Variants in TDG observed in about 807,000 individuals in gnomAD.
The protein encoded by TDG is thymine DNA glycosylase, also known as G/T mismatch-specific thymine DNA glycosylase.
TDG carries 23 observed loss-of-function variants against 46.1 expected under a neutral mutation model. That is an observed-to-expected ratio of 0.50 (90% CI 0.36 to 0.71). The LOEUF is 0.71. TDG is among the 30% of genes least tolerant of loss of function. TDG has a pLI of 0.00. For missense variants in TDG, 304 were observed against 486.7 expected, an observed-to-expected ratio of 0.62 and a Z score of 3.53; for synonymous variants, 115 against 161.3, an observed-to-expected ratio of 0.71 and a Z score of 2.18.
intron 1 of TDG, among the ~76,000 whole-genome samples, chr12:103,975,627 C>T (rs1016619153): frequency 3.9e-5 from 6 of 152,092 alleles, no homozygotes; most frequent in African/African-American, 9.7e-5. Flanking sequence ...CATTAACCCA[C>T]TCCTGAAGGC....
At position 103,988,126 on chromosome 12, in the gene TDG, C is replaced by G. The variant is rs1872276654; in HGVS notation, c.*1036C>G. 1 of 152,704 alleles carries G rather than the reference C, an allele frequency of 6.5e-6. No homozygotes were observed. Among genetic ancestry groups the G allele is most frequent in the Non-Finnish European group, 1.5e-5 (1 of 68,052 alleles). 9.5% of individuals were successfully genotyped at this position (152,704 alleles called of 1,614,324 possible). ...CCTCATGGAAAGGTTGAGGTGTATACCTTTGTGATTTTCTAATGAGTTTTC... is the reference window on the plus strand; with the variant it reads ...CCTCATGGAAAGGTTGAGGTGTATAGCTTTGTGATTTTCTAATGAGTTTTC... On this transcript the variant is annotated 3_prime_UTR_variant, in exon 10 of 10. Transcript: ENST00000392872.
intron 1 of TDG, among the ~76,000 whole-genome samples, 200 bp from the exon 2 acceptor site, chr12:103,976,714 ATGGT>A (rs1030250658): frequency 2.6e-4 from 40 of 152,304 alleles, no homozygotes; most frequent in African/African-American, 8.7e-4. Flanking sequence ...GCAAGAGTTA[ATGGT>A]TGGTTATTAA....
At chr12:103,978,677 A>T (rs1198884484) in intron 2 of TDG, among the ~76,000 whole-genome samples, 1 of 152,190 alleles carries the variant, frequency 6.6e-6, no homozygotes, top group Non-Finnish European at 1.5e-5. Context: ...GAGAAATGTT[A>T]AATAATTAAG....
rs760802809 is a variant in TDG at position 103,985,651 on chromosome 12, A to G, written c.1013A>G (p.Tyr338Cys). ...AVKEEKYDPG[Y>C]EAAYGGAYGE... is the part of the protein sequence containing the mutation. ...AAGGAAGAAAAATATGATCCAGGTT[A>G]TGAGGCAGCATATGGTGGTGCTTAC... is the stretch of plus-strand genomic sequence containing the variant. The change falls in exon 9 of 10, where the codon TAT becomes TGT. Residue 338 changes from tyrosine to cysteine, a missense_variant. Tyr to Cys is a radical substitution (Grantham distance 194). Transcript: ENST00000392872. 7.4e-6 allele frequency: 12 copies of G among 1,614,136 alleles called. No individual in the cohort carries two copies. The Middle Eastern group carries it at 4.9e-4, about 67-fold the overall frequency.
chr12:103,987,826 G>A lies in TDG; in HGVS notation c.*736G>A, dbSNP rs1872256382. The A allele has an allele frequency of 6.6e-6, 1 of 152,442 alleles. No individual in the cohort carries two copies. The highest frequency in any genetic ancestry group is 1.5e-5 in the Non-Finnish European group (1 of 68,008). 9.4% of individuals were successfully genotyped at this position (152,442 alleles called of 1,614,324 possible). A position where few individuals can be genotyped will look rare whatever the true frequency, so the allele number is the denominator to read the frequency against. ...GAGACATGTAAATATGATAGGGAAG[G>A]AACTGAATTTCTCCATTCATATTTA... On this transcript the variant is annotated 3_prime_UTR_variant, in exon 10 of 10. Transcript: ENST00000392872.
intron 7 of TDG, 136 bp from the exon 8 acceptor site, chr12:103,984,613 T>C: frequency 1.3e-5 from 8 of 621,832 alleles, no homozygotes; most frequent in Non-Finnish European, 1.8e-5. Flanking sequence ...GCAACTACTT[T>C]TATTGATTTT....
intron 1 of TDG, among the ~76,000 whole-genome samples, 165 bp downstream of exon 1, chr12:103,966,225 C>T (rs905225314): frequency 1.3e-5 from 2 of 152,196 alleles, no homozygotes; most frequent in African/African-American, 2.4e-5. Context: ...TCCCTGGCTG[C>T]GGCGGTGGTG....
At chr12:103,978,267 G>A (rs747616845) in intron 2 of TDG, among the ~76,000 whole-genome samples, 15 of 151,952 alleles carry the variant, frequency 9.9e-5, no homozygotes, top group African/African-American at 3.4e-4. Context: ...GCAGGATAGT[G>A]GGGGAGAAAG....
chr12:103,985,504 G>A, intron 8 of TDG, 99 bp from the exon 9 acceptor site: 1 of 1,336,444 alleles, frequency 7.5e-7, no homozygotes, highest in Non-Finnish European at 1.0e-6. Context: ...CAGTGTATAT[G>A]AATATTCAAG....
chr12:103,966,099 T>C, intron 1 of TDG, 39 bp downstream of exon 1: 1 of 1,534,326 alleles, frequency 6.5e-7, no homozygotes, highest in Non-Finnish European at 8.8e-7. Context: ...CTTGCGCCCC[T>C]CACTGCTGGG....
chr12:103,966,548 T>C (rs1871037949), intron 1 of TDG, among the ~76,000 whole-genome samples: 2 of 152,068 alleles, frequency 1.3e-5, no homozygotes, highest in African/African-American at 2.4e-5. Context: ...TTAGATAATT[T>C]TGTTGTGGGC....
At chr12:103,978,886 ACAACAAAAAATTATG>A (rs1871669321) in intron 2 of TDG, among the ~76,000 whole-genome samples, 2 of 152,110 alleles carry the variant, frequency 1.3e-5, no homozygotes, top group African/African-American at 4.8e-5. Context: ...ACAGCCACCC[ACAACAAAAAATTATG>A]CAACCTAAAA....
chr12:103,977,414 G>A (rs1871594101), intron 2 of TDG, among the ~76,000 whole-genome samples: 1 of 152,144 alleles, frequency 6.6e-6, no homozygotes, highest in African/African-American at 2.4e-5. Flanking sequence ...ATAACACCAG[G>A]GCTCTGAAAC....
chr12:103,984,931 G>T lies in TDG; in HGVS notation c.964+11G>T. 6.4e-7 allele frequency: 1 copy of T among 1,559,492 alleles called. No homozygotes were observed. The highest frequency in any genetic ancestry group is 8.7e-7 in the Non-Finnish European group (1 of 1,148,962). ...TACAGCTTGCCCAAGGTATGTTACTGTCCTCATTCCTTTTATTCATTTTGT... is the reference window on the plus strand; with the variant it reads ...TACAGCTTGCCCAAGGTATGTTACTTTCCTCATTCCTTTTATTCATTTTGT... On this transcript the variant is annotated intron_variant, in intron 8 of 9. Transcript: ENST00000392872.
At chr12:103,986,800 A>T in intron 9 of TDG, 148 bp from the exon 10 acceptor site, 1 of 734,658 alleles carries the variant, frequency 1.4e-6, no homozygotes, top group East Asian at 2.7e-5. Context: ...TGGGAGGATC[A>T]CTCAAGCCCA....
chr12:103,985,528 C>A, intron 8 of TDG, 75 bp from the exon 9 acceptor site: 1 of 1,482,970 alleles, frequency 6.7e-7, no homozygotes. Context: ...AAGAATTGTT[C>A]ATGATTTCTG....
chr12:103,981,079 G>C (rs1465488210), intron 4 of TDG, 117 bp downstream of exon 4: 20 of 840,860 alleles, frequency 2.4e-5, no homozygotes, highest in Non-Finnish European at 3.8e-5. Context: ...ACACATTCGT[G>C]TTTCATGTTC....
chr12:103,984,431 T>TA (rs1193406116), intron 7 of TDG, among the ~76,000 whole-genome samples: 10 of 151,952 alleles, frequency 6.6e-5, no homozygotes, highest in African/African-American at 2.4e-4. Context: ...CCATCTCCAC[T>TA]AAAAAATACA....
intron 1 of TDG, among the ~76,000 whole-genome samples, chr12:103,972,158 GC>G: frequency 6.6e-6 from 1 of 151,524 alleles, no homozygotes; most frequent in South Asian, 2.1e-4. Flanking sequence ...TTGCTCTGTC[GC>G]CCAGGCTGGA....
Sources: gnomAD v4.1 joint callset for allele counts (sites outside exome capture counted in the v4.1 genomes callset) on GRCh38, gnomAD v4.1.1 for gene constraint, MANE v1.5 for transcripts, NCBI Gene and HGNC (gene_info 2026-07-23, HGNC 2026-07-21) for gene names.